ADGRL3: variants seen among roughly 807,000 people sequenced by gnomAD.
The protein encoded by ADGRL3 is adhesion G protein-coupled receptor L3.
A neutral mutation model predicts 153.5 loss-of-function variants in ADGRL3; 62 were observed. That is an observed-to-expected ratio of 0.40 (90% CI 0.33 to 0.50). ADGRL3 has a LOEUF of 0.50. Ranked by LOEUF, ADGRL3 falls within the 20% of genes least tolerant of loss-of-function variation. The pLI is 0.47. For missense variants in ADGRL3, 1,641 were observed against 1,859.4 expected (o/e 0.88, Z 2.16); for synonymous variants, 710 against 672.5 (o/e 1.06, Z -0.86).
intron 9 of ADGRL3, among the ~76,000 whole-genome samples, chr4:61,863,387 G>A (rs888372457): frequency 1.3e-4 from 20 of 151,214 alleles, no homozygotes; most frequent in South Asian, 8.4e-4. Flanking sequence ...ACAGGCGCCC[G>A]CCACTACGCC....
intron 6 of ADGRL3, among the ~76,000 whole-genome samples, chr4:61,716,026 C>T (rs1416971966): frequency 6.7e-6 from 1 of 150,066 alleles, no homozygotes; most frequent in African/African-American, 2.4e-5. Context: ...TTTCTTTATT[C>T]CTCAATTACC....
chr4:61,385,985 A>G (rs571081600), intron 2 of ADGRL3, among the ~76,000 whole-genome samples: 2 of 151,978 alleles, frequency 1.3e-5, no homozygotes, highest in East Asian at 1.9e-4. Context: ...TGTGAGTGCT[A>G]TTTTCATCTG....
intron 25 of ADGRL3, among the ~76,000 whole-genome samples, chr4:62,054,168 T>TA (rs1582081792): frequency 6.6e-6 from 1 of 151,810 alleles, no homozygotes; most frequent in East Asian, 1.9e-4. Context: ...ATTTTGCCTG[T>TA]GGTTAAGGAA....
At chr4:61,554,311 A>T (rs1035643620) in intron 4 of ADGRL3, among the ~76,000 whole-genome samples, 3 of 151,888 alleles carry the variant, frequency 2.0e-5, no homozygotes, top group Non-Finnish European at 4.4e-5. Flanking sequence ...CTCATGTCTC[A>T]GCCTCCAGAT....
intron 17 of ADGRL3, among the ~76,000 whole-genome samples, chr4:61,968,279 G>A (rs74981217): frequency 1.0e-3 from 159 of 152,182 alleles, no homozygotes; most frequent in Non-Finnish European, 1.4e-3. Context: ...AAAATGAGTC[G>A]TTTTTTCACT....
At chr4:61,972,039 T>G (rs12645850) in intron 17 of ADGRL3, among the ~76,000 whole-genome samples, 29,313 of 151,730 alleles carry the variant, frequency 0.19, 3,439 homozygotes, top group East Asian at 0.44. Context: ...TTGAGTTCAT[T>G]GTAGATTCTG....
chr4:61,482,221 TAAAC>T (rs1265108763), intron 2 of ADGRL3, among the ~76,000 whole-genome samples: 1 of 152,212 alleles, frequency 6.6e-6, no homozygotes, highest in Admixed American at 6.5e-5. Flanking sequence ...CTTACTGAAT[TAAAC>T]AATGTTTTAA....
chr4:61,947,615 ACTAT>A (rs2098930760), intron 16 of ADGRL3, among the ~76,000 whole-genome samples: 1 of 152,186 alleles, frequency 6.6e-6, no homozygotes, highest in South Asian at 2.1e-4. Context: ...TATTCACAAT[ACTAT>A]CTGTGTTTTT....
At chr4:61,636,289 G>A (rs2093420267) in intron 5 of ADGRL3, among the ~76,000 whole-genome samples, 2 of 152,098 alleles carry the variant, frequency 1.3e-5, no homozygotes, top group Admixed American at 1.3e-4. Context: ...AAGAAGGAAA[G>A]AATCAATAGA....
chr4:61,520,399 A>G (rs335314), intron 4 of ADGRL3, among the ~76,000 whole-genome samples: 115,249 of 151,998 alleles, frequency 0.76, 44,051 homozygotes, highest in East Asian at 0.94. Flanking sequence ...AGTGGTGCCA[A>G]ACCAGTACAA....
chr4:61,373,528 A>C (rs1164695880), intron 1 of ADGRL3, among the ~76,000 whole-genome samples: 1 of 152,176 alleles, frequency 6.6e-6, no homozygotes, highest in African/African-American at 2.4e-5. Context: ...TTTCCTTTAT[A>C]TCTCTTGAAT....
intron 8 of ADGRL3, among the ~76,000 whole-genome samples, chr4:61,770,265 T>C (rs2097067869): frequency 1.3e-5 from 2 of 152,224 alleles, no homozygotes; most frequent in African/African-American, 4.8e-5. Context: ...TAAGTAATTT[T>C]CTGGAAGTTG....
At chr4:61,336,776 G>A (rs1290066342) in intron 1 of ADGRL3, among the ~76,000 whole-genome samples, 1 of 151,514 alleles carries the variant, frequency 6.6e-6, no homozygotes, top group Non-Finnish European at 1.5e-5. Flanking sequence ...GGTTTTGAAT[G>A]CAAAGCTTCA....
chr4:61,456,055 A>T (rs764902903), intron 2 of ADGRL3, among the ~76,000 whole-genome samples: 49 of 151,970 alleles, frequency 3.2e-4, no homozygotes, highest in Admixed American at 5.3e-4. Flanking sequence ...GCATCAGGTT[A>T]TCCACCCGCC....
chr4:61,461,113 C>T (rs1194014378), intron 2 of ADGRL3, among the ~76,000 whole-genome samples: 4 of 152,060 alleles, frequency 2.6e-5, no homozygotes, highest in African/African-American at 9.7e-5. Context: ...TCTCGTGAGA[C>T]TTATTCATTA....
At chr4:61,995,441 T>C (rs910847176) in intron 19 of ADGRL3, among the ~76,000 whole-genome samples, 1 of 152,166 alleles carries the variant, frequency 6.6e-6, no homozygotes, top group African/African-American at 2.4e-5. Context: ...TTATATTATA[T>C]AGCAAACCAG....
chr4:61,563,020 C>G (rs2098801897), intron 4 of ADGRL3, among the ~76,000 whole-genome samples: 1 of 151,428 alleles, frequency 6.6e-6, no homozygotes, highest in Non-Finnish European at 1.5e-5. Flanking sequence ...TCTACTTACC[C>G]AGAATCATCA....
intron 1 of ADGRL3, among the ~76,000 whole-genome samples, chr4:61,305,847 A>G (rs1410461251): frequency 6.6e-6 from 1 of 152,100 alleles, no homozygotes; most frequent in Non-Finnish European, 1.5e-5. Flanking sequence ...ATTGTAAGCA[A>G]GTGGAGGAAT....
chr4:61,591,784 G>A (rs1367047499), intron 5 of ADGRL3, among the ~76,000 whole-genome samples: 1 of 151,894 alleles, frequency 6.6e-6, no homozygotes, highest in South Asian at 2.1e-4. Flanking sequence ...AGAAAAGAGA[G>A]AGAGAGAGAA....
Sources: allele counts gnomAD v4.1 joint callset (sites outside exome capture counted in the v4.1 genomes callset), GRCh38; gene constraint gnomAD v4.1.1; transcripts MANE v1.5; gene names NCBI Gene and HGNC (gene_info 2026-07-23, HGNC 2026-07-21).